Variants in RAPGEF1 observed in about 807,000 individuals in gnomAD.
RAPGEF1 encodes Rap guanine nucleotide exchange factor 1, also known as CRK SH3-binding GNRP.
RAPGEF1 carries 33 observed loss-of-function variants against 143.3 expected under a neutral mutation model. The observed-to-expected ratio is 0.23, with a 90% confidence interval of 0.17 to 0.31. RAPGEF1 has a LOEUF of 0.31. Among genes scored for constraint, RAPGEF1 ranks in the 10% least tolerant of loss-of-function variants. The probability of loss-of-function intolerance (pLI) is 1.00; values close to 1 mark genes in which losing one functional copy is unlikely to be tolerated. For missense variants in RAPGEF1, 1,199 were observed against 1,645.4 expected (o/e 0.73, Z 4.69); for synonymous variants, 629 against 676.5 (o/e 0.93, Z 1.09).
chr9:131,642,892 A>G (rs1968437858), intron 4 of RAPGEF1, among the ~76,000 whole-genome samples: 1 of 152,152 alleles, frequency 6.6e-6, no homozygotes, highest in Non-Finnish European at 1.5e-5. Context: ...AAACTCAAAA[A>G]GTTTCATTCA....
chr9:131,682,206 A>G (rs1204748090), intron 1 of RAPGEF1, among the ~76,000 whole-genome samples: 1 of 152,226 alleles, frequency 6.6e-6, no homozygotes, highest in African/African-American at 2.4e-5. Context: ...CAGATAGGGG[A>G]AAAAAGAAAA....
At chr9:131,664,536 A>G (rs1830118676) in intron 1 of RAPGEF1, among the ~76,000 whole-genome samples, 1 of 148,514 alleles carries the variant, frequency 6.7e-6, no homozygotes, top group African/African-American at 2.4e-5. Context: ...CCTTGATTCC[A>G]TATTTGCAGC....
chr9:131,709,770 A>T (rs576284008), intron 1 of RAPGEF1: 1 of 1,600,424 alleles, frequency 6.2e-7, no homozygotes, highest in Middle Eastern at 1.8e-4. Context: ...CTGAAAGGGG[A>T]TATCTCTTGG....
chr9:131,711,429 C>CAA (rs1835500048), intron 1 of RAPGEF1, among the ~76,000 whole-genome samples: 1 of 151,556 alleles, frequency 6.6e-6, no homozygotes, highest in African/African-American at 2.4e-5. Context: ...GCAATCTCAG[C>CAA]TCACTGCAAC....
In RAPGEF1 at chr9:131,584,244, A is replaced by G; in HGVS notation, c.3414+67T>C. ...AGTGGGAGCACTTTCTGCCACAGCT[A>G]GTCGCCTGAGGGCTGGGCGGCCCCC... On this transcript the variant is annotated intron_variant, in intron 24 of 26. Transcript: ENST00000683357. The surrounding 1 kb of genome is among the most constrained non-coding windows in gnomAD (Gnocchi z 6.8). 1 of 1,399,270 alleles carries G rather than the reference A, an allele frequency of 7.1e-7. No homozygotes were observed. The highest frequency in any genetic ancestry group is 9.9e-7 in the Non-Finnish European group (1 of 1,009,606). The allele number at this position is 1,399,270 out of a possible 1,614,324, so 86.7% of individuals were successfully genotyped here.
rs1038552135 is a variant in RAPGEF1 at position 131,675,788 on chromosome 9, C to T, written c.62-24839G>A. Among the ~76,000 whole-genome samples the T allele has an allele frequency of 2.6e-5, 4 of 152,324 alleles. No individual in the cohort carries two copies. Among genetic ancestry groups the T allele is most frequent in the Admixed American group, 6.5e-5 (1 of 15,302 alleles). The stretch of plus-strand genomic sequence containing the variant: ...CTTACTATACGCCAGCCCTGACAGG[C>T]AGACATTAATTGCCATTTTGCAGAT... On this transcript the variant is annotated intron_variant, in intron 1 of 26. Transcript: ENST00000683357. This position sits in a 1 kb window ranked among gnomAD's most constrained non-coding sequence, Gnocchi z 4.6.
chr9:131,684,131 C>G (rs533828647), intron 1 of RAPGEF1, among the ~76,000 whole-genome samples: 2 of 152,334 alleles, frequency 1.3e-5, no homozygotes, highest in South Asian at 4.1e-4. Flanking sequence ...GCCCAACTTG[C>G]CAAATGGTAC....
At chr9:131,647,800 C>T (rs2133387054) in intron 3 of RAPGEF1, among the ~76,000 whole-genome samples, 1 of 152,142 alleles carries the variant, frequency 6.6e-6, no homozygotes, top group South Asian at 2.1e-4. Flanking sequence ...GGGTGAAGAT[C>T]ACACCTACAG....
Position 131,578,293 on chromosome 9 carries a change from A to C in RAPGEF1, c.*1204T>G, listed in dbSNP as rs1430388888. ...AATGGTTTTGACGAGGAGGATGGAA[A>C]CAGCATCTGCTCTGGAAGCCGCTCT... On this transcript the variant is annotated 3_prime_UTR_variant, in exon 27 of 27. Transcript: ENST00000683357. The C allele has an allele frequency of 1.3e-5, 2 of 152,554 alleles. No homozygotes were observed. Among genetic ancestry groups the C allele is most frequent in the East Asian group, 3.9e-4 (2 of 5,194 alleles). 9.5% of individuals were successfully genotyped at this position (152,554 alleles called of 1,614,324 possible). A position where few individuals can be genotyped will look rare whatever the true frequency, so the allele number is the denominator to read the frequency against.
At chr9:131,680,289 G>A (rs1358983699) in intron 1 of RAPGEF1, among the ~76,000 whole-genome samples, 1 of 152,172 alleles carries the variant, frequency 6.6e-6, no homozygotes, top group East Asian at 1.9e-4. Flanking sequence ...CTTTCCATTG[G>A]CAGAAGTGCC....
chr9:131,708,131 G>A (rs570071667), intron 1 of RAPGEF1, among the ~76,000 whole-genome samples: 237 of 152,328 alleles, frequency 1.6e-3, no homozygotes, highest in African/African-American at 5.3e-3. Flanking sequence ...TTCTTTTTAA[G>A]AGAAAATGAT....
rs2132465394 is a variant in RAPGEF1 at position 131,602,066 on chromosome 9, A to G, written c.2496T>C (p.Ser832=). The G allele has an allele frequency of 2.5e-6, 4 of 1,598,120 alleles. No homozygotes were observed. The East Asian group carries it at 9.1e-5, about 36-fold the overall frequency. ...GVPGKDSRDG[S]ERAPKSPDAL... is the part of the protein sequence containing the mutation. Reference sequence around the variant, plus strand: ...CCTCTGGGTCCACTTCCTACCTCTCACTGCCGTCTCTGCTGTCCTTCCCAG... The same window carrying G: ...CCTCTGGGTCCACTTCCTACCTCTCGCTGCCGTCTCTGCTGTCCTTCCCAG... Residue 832 remains serine (S), a synonymous_variant, in exon 15 of 27, where the codon AGT becomes AGC. Transcript: ENST00000683357.
intron 1 of RAPGEF1, among the ~76,000 whole-genome samples, chr9:131,722,525 C>T (rs374565241): frequency 1.8e-4 from 27 of 152,220 alleles, no homozygotes; most frequent in African/African-American, 4.6e-4. Context: ...ACTAACTACG[C>T]GCCAAGCTAT....
At chr9:131,722,462 G>A (rs1836335085) in intron 1 of RAPGEF1, among the ~76,000 whole-genome samples, 1 of 152,238 alleles carries the variant, frequency 6.6e-6, no homozygotes, top group African/African-American at 2.4e-5. Flanking sequence ...GCCCTCGGAG[G>A]GAAGCCAATG....
intron 12 of RAPGEF1, 56 bp from the exon 13 acceptor site, chr9:131,605,244 A>G: frequency 8.3e-7 from 1 of 1,210,700 alleles, no homozygotes; most frequent in Non-Finnish European, 1.1e-6. Flanking sequence ...GAAAAGAGAA[A>G]AAGTAATTAG....
At chr9:131,638,560 C>T in intron 5 of RAPGEF1, 75 bp downstream of exon 5, 1 of 1,543,990 alleles carries the variant, frequency 6.5e-7, no homozygotes, top group East Asian at 2.3e-5. Context: ...CAGGAGCAAG[C>T]TCTTATGTGA....
rs570213646 is a variant in RAPGEF1, at chr9:131,735,347, C to G, written c.61+4423G>C. Among the ~76,000 whole-genome samples the G allele has an allele frequency of 2.0e-5, 3 of 152,376 alleles. No homozygotes were observed. In the East Asian group the frequency reaches 5.8e-4, roughly 29 times the overall value. On this transcript the variant is annotated intron_variant, in intron 1 of 26. Transcript: ENST00000683357. ...CTGCCTGTGCCCAGCTAAGTGGACCCATCCTCCGCCTCTCACCTTAAGTCC... is the reference window on the plus strand; with the variant it reads ...CTGCCTGTGCCCAGCTAAGTGGACCGATCCTCCGCCTCTCACCTTAAGTCC...
intron 1 of RAPGEF1, among the ~76,000 whole-genome samples, chr9:131,679,779 C>A (rs11999370): frequency 0.12 from 18,564 of 152,268 alleles, 1,303 homozygotes; most frequent in Middle Eastern, 0.3. Flanking sequence ...AGCTGTAGGA[C>A]TAAGGTCCCC....
At chr9:131,591,617 C>T (rs575412101) in intron 18 of RAPGEF1, among the ~76,000 whole-genome samples, 9 of 152,258 alleles carry the variant, frequency 5.9e-5, no homozygotes, top group Admixed American at 2.0e-4. Context: ...TCGCAGGGTC[C>T]GCTCCAGGGA....
Sources: allele counts gnomAD v4.1 joint callset (sites outside exome capture counted in the v4.1 genomes callset), GRCh38; gene constraint gnomAD v4.1.1; non-coding constraint Gnocchi (gnomAD v3.1); transcripts MANE v1.5; gene names NCBI Gene and HGNC (gene_info 2026-07-23, HGNC 2026-07-21).